RBM47: variants seen among roughly 807,000 people sequenced by gnomAD.
RBM47 encodes the protein RNA binding motif protein 47.
Under a neutral mutation model 47.1 loss-of-function variants are expected in RBM47, and 21 were observed. The observed-to-expected ratio is 0.45, with a 90% CI of 0.32 to 0.64. The LOEUF is 0.64. RBM47 is among the 30% of genes least tolerant of loss of function. RBM47 has a pLI of 0.05. For missense variants in RBM47, 708 were observed against 870.9 expected (o/e 0.81, Z 2.35); for synonymous variants, 375 against 361.7 (o/e 1.04, Z -0.42).
chr4:40,478,229 G>A (rs1560402858), intron 2 of RBM47, among the ~76,000 whole-genome samples: 1 of 151,902 alleles, frequency 6.6e-6, no homozygotes, highest in Non-Finnish European at 1.5e-5. Context: ...TGGTCAGGCT[G>A]GTCTTGAACT....
At chr4:40,624,681 T>C (rs1039784301) in intron 1 of RBM47, among the ~76,000 whole-genome samples, 3 of 152,188 alleles carry the variant, frequency 2.0e-5, no homozygotes, top group Non-Finnish European at 4.4e-5. Flanking sequence ...AAATTTTCTG[T>C]GTCACCAAAG....
intron 1 of RBM47, among the ~76,000 whole-genome samples, chr4:40,617,737 T>C (rs1181831900): frequency 6.6e-6 from 1 of 151,290 alleles, no homozygotes; most frequent in African/African-American, 2.4e-5. Context: ...ATATGATTAA[T>C]TTGAGTTATA....
intron 1 of RBM47, among the ~76,000 whole-genome samples, chr4:40,589,728 C>T (rs867664091): frequency 3.1e-4 from 47 of 152,206 alleles, no homozygotes; most frequent in African/African-American, 9.9e-4. Flanking sequence ...CGTAAGCCAC[C>T]GCGCCCAGTC....
intron 1 of RBM47, among the ~76,000 whole-genome samples, chr4:40,585,623 G>A (rs925514479): frequency 2.0e-5 from 3 of 152,136 alleles, no homozygotes; most frequent in Non-Finnish European, 4.4e-5. Flanking sequence ...TCAAGGCAAA[G>A]CCTGTCTTAG....
chr4:40,535,515 G>A (rs1181572439), intron 2 of RBM47, among the ~76,000 whole-genome samples: 8 of 150,434 alleles, frequency 5.3e-5, no homozygotes, highest in Admixed American at 4.7e-4. Flanking sequence ...GGGATTACAG[G>A]TGCCCACCAC....
chr4:40,577,808 C>T (rs1409952511), intron 1 of RBM47, among the ~76,000 whole-genome samples: 1 of 152,030 alleles, frequency 6.6e-6, no homozygotes, highest in Non-Finnish European at 1.5e-5. Context: ...AATGTGGTAC[C>T]ATTGTGTTAC....
At chr4:40,552,990 C>T (rs1225473800) in intron 1 of RBM47, among the ~76,000 whole-genome samples, 6 of 151,212 alleles carry the variant, frequency 4.0e-5, no homozygotes, top group Non-Finnish European at 5.9e-5. Flanking sequence ...TTTTTTGAGA[C>T]GGAGTCTCAC....
rs188449571 is a variant in RBM47, at chr4:40,456,681, T to A, written c.-32+9896A>T. On this transcript the variant is annotated intron_variant, in intron 3 of 6. Transcript: ENST00000295971. Reference sequence around the variant, plus strand: ...CTCAGGCTCAAGCAATCCTCCTACCTCGACCTCTCAGGCTCAAGGGATCCT... The same window carrying A: ...CTCAGGCTCAAGCAATCCTCCTACCACGACCTCTCAGGCTCAAGGGATCCT... Among the ~76,000 whole-genome samples the A allele has an allele frequency of 3.3e-3, 490 of 146,772 alleles. 5 individuals carry two copies. Among genetic ancestry groups the A allele is most frequent in the African/African-American group, 0.012 (472 of 39,966 alleles).
At chr4:40,588,255 G>T (rs1169950978) in intron 1 of RBM47, among the ~76,000 whole-genome samples, 1 of 152,148 alleles carries the variant, frequency 6.6e-6, no homozygotes. Context: ...AGCAGGCTTT[G>T]GGGGGAACAT....
In RBM47 at chr4:40,451,184, CA is replaced by C. The variant is rs958122281; in HGVS notation, c.-31-12261del. Among the ~76,000 whole-genome samples the C allele has an allele frequency of 7.6e-3, 391 of 51,458 alleles. 1 individual carries two copies. Among genetic ancestry groups the C allele is most frequent in the African/African-American group, 0.018 (293 of 16,376 alleles). 33.8% of individuals were successfully genotyped at this position (51,458 alleles called of 152,430 possible). The stretch of plus-strand genomic sequence containing the variant: ...CAGCATGGCAAGGCGCAGTAGCTAC[CA>C]AAAAAAAAAAAAAAAAAAAAAGTCA... On this transcript the variant is annotated intron_variant, in intron 3 of 6. Coordinates refer to ENST00000295971, the MANE Select transcript of RBM47 (RefSeq NM_001098634.2).
At chr4:40,589,381 C>T (rs1285290575) in intron 1 of RBM47, among the ~76,000 whole-genome samples, 1 of 152,112 alleles carries the variant, frequency 6.6e-6, no homozygotes, top group Non-Finnish European at 1.5e-5. Flanking sequence ...TACTAGCATC[C>T]ATTGAACTGT....
rs939230634 is a variant in RBM47 at position 40,424,881 on chromosome 4, A to C, written c.*1023T>G. 2 of 152,232 alleles carry C rather than the reference A, an allele frequency of 1.3e-5. No homozygotes were observed. Among genetic ancestry groups the C allele is most frequent in the Non-Finnish European group, 2.9e-5 (2 of 68,042 alleles). The allele number at this position is 152,232 out of a possible 1,614,324, so 9.4% of individuals were successfully genotyped here. A position where few individuals can be genotyped will look rare whatever the true frequency, so the allele number is the denominator to read the frequency against. ...TTAAAGTTTTACATTGGGCAATTAA[A>C]TAGCTATGCAAAGGTGTCTTATGCA... On this transcript the variant is annotated 3_prime_UTR_variant, in exon 7 of 7. Transcript: ENST00000295971.
chr4:40,601,654 T>C (rs1301454482), intron 1 of RBM47, among the ~76,000 whole-genome samples: 1 of 152,210 alleles, frequency 6.6e-6, no homozygotes, highest in East Asian at 1.9e-4. Context: ...GCTTGTTTGT[T>C]GGCTTGACGT....
chr4:40,457,266 C>G (rs998370634), intron 3 of RBM47, among the ~76,000 whole-genome samples: 1 of 149,904 alleles, frequency 6.7e-6, no homozygotes, highest in Non-Finnish European at 1.5e-5. Flanking sequence ...CTAAAAAATA[C>G]AAAAATTAGC....
At chr4:40,612,161 C>A (rs1736317927) in intron 1 of RBM47, among the ~76,000 whole-genome samples, 1 of 152,128 alleles carries the variant, frequency 6.6e-6, no homozygotes. Context: ...TGAATTAGAT[C>A]CTGATCATGG....
intron 2 of RBM47, among the ~76,000 whole-genome samples, chr4:40,471,378 C>T (rs1041223408): frequency 2.6e-5 from 4 of 152,128 alleles, no homozygotes; most frequent in African/African-American, 9.7e-5. Context: ...TCTAGGTCTC[C>T]TTACAGGCAA....
At position 40,440,377 on chromosome 4, in the gene RBM47, C is replaced by A. The variant is rs924620142; in HGVS notation, c.-31-1453G>T. 2.0e-5 allele frequency among the ~76,000 whole-genome samples: 3 copies of A among 152,092 alleles called. No individual in the cohort carries two copies. The South Asian group carries it at 6.2e-4, about 32-fold the overall frequency. On this transcript the variant is annotated intron_variant, in intron 3 of 6. Coordinates refer to ENST00000295971, the MANE Select transcript of RBM47 (RefSeq NM_001098634.2). ...AGCATTCCTCTGTATTCTTAAAAAT[C>A]TTTGTAAAAACATCATTTTTAATGG...
At chr4:40,551,983 C>T (rs557304458) in intron 1 of RBM47, among the ~76,000 whole-genome samples, 3 of 152,094 alleles carry the variant, frequency 2.0e-5, no homozygotes, top group Non-Finnish European at 4.4e-5. Context: ...TAAAAGAAGA[C>T]AAAAGATGAC....
rs535009139 is a variant in RBM47 at position 40,614,782 on chromosome 4, G to A, written c.-240+14614C>T. Among the ~76,000 whole-genome samples, 3 of 152,176 alleles carry A rather than the reference G, an allele frequency of 2.0e-5. No homozygotes were observed. In the East Asian group the frequency reaches 5.8e-4, roughly 29 times the overall value. On this transcript the variant is annotated intron_variant, in intron 1 of 6. Transcript: ENST00000295971. ...GAAGGCCAAGGCTGCAGTGAGCCTT[G>A]ATCATACCACTGCACTCCAGCCTGA...
Sources: allele counts gnomAD v4.1 joint callset (sites outside exome capture counted in the v4.1 genomes callset), GRCh38; gene constraint gnomAD v4.1.1; transcripts MANE v1.5; gene names NCBI Gene and HGNC (gene_info 2026-07-23, HGNC 2026-07-21).